Variants in RARB observed in about 807,000 individuals in gnomAD.
RARB encodes the protein retinoic acid receptor beta.
A neutral mutation model predicts 51.9 loss-of-function variants in RARB; 17 were observed. The observed-to-expected ratio is 0.33, with a 90% CI of 0.22 to 0.49. RARB has a LOEUF of 0.49. Among genes scored for constraint, RARB ranks in the 20% least tolerant of loss-of-function variants. The pLI is 0.99. For missense variants in RARB, 369 were observed against 550.8 expected, an observed-to-expected ratio of 0.67 and a Z score of 3.30; for synonymous variants, 215 against 195.4, an observed-to-expected ratio of 1.10 and a Z score of -0.84.
intron 3 of RARB, among the ~76,000 whole-genome samples, chr3:25,541,218 T>A (rs1015725524): frequency 3.3e-5 from 5 of 152,200 alleles, no homozygotes; most frequent in African/African-American, 1.2e-4. Context: ...AATCCATTGA[T>A]TTAGCCACTC....
intron 4 of RARB, among the ~76,000 whole-genome samples, chr3:25,571,065 G>C (rs977267581): frequency 2.6e-5 from 4 of 152,204 alleles, no homozygotes; most frequent in Admixed American, 2.0e-4. Context: ...CAGGCCCAGA[G>C]GGGCGCCCAT....
intron 1 of RARB, among the ~76,000 whole-genome samples, chr3:25,429,848 T>A (rs1488835683): frequency 6.6e-6 from 1 of 152,206 alleles, no homozygotes; most frequent in Admixed American, 6.5e-5. Context: ...TTTAGATAAA[T>A]GGCTCAGCTA....
At chr3:25,037,400 A>G (rs947028667) in intron 2 of RARB, among the ~76,000 whole-genome samples, 1 of 152,038 alleles carries the variant, frequency 6.6e-6, no homozygotes, top group African/African-American at 2.4e-5. Context: ...GTTTTGCCAA[A>G]AGAGCTAAGC....
intron 2 of RARB, among the ~76,000 whole-genome samples, chr3:24,911,688 C>T (rs1366520644): frequency 6.6e-6 from 1 of 152,290 alleles, no homozygotes. Context: ...CACAGTGGCT[C>T]ATACCTGTAA....
chr3:25,548,924 T>C lies in RARB; in HGVS notation c.449-20834T>C, dbSNP rs557847305. On this transcript the variant is annotated intron_variant, in intron 3 of 7. Coordinates refer to ENST00000330688, the MANE Select transcript of RARB (RefSeq NM_000965.5). ...CTAGTTTGGAGGAAGCTTGGCTCTA[T>C]ATTTTGAGCCCAATACCTGATTATG... Among the ~76,000 whole-genome samples, 4 of 152,316 alleles carry C rather than the reference T, an allele frequency of 2.6e-5. No homozygotes were observed. In the East Asian group the frequency reaches 5.8e-4, roughly 22 times the overall value.
chr3:25,254,982 C>T (rs1038572793), intron 5 of RARB, among the ~76,000 whole-genome samples: 7 of 152,108 alleles, frequency 4.6e-5, no homozygotes, highest in Non-Finnish European at 1.0e-4. Context: ...GTACCTGACA[C>T]CTACGACATT....
intron 4 of RARB, among the ~76,000 whole-genome samples, chr3:25,146,511 GTTTT>G (rs1197635626): frequency 2.3e-4 from 31 of 134,554 alleles, no homozygotes; most frequent in East Asian, 2.0e-3. Context: ...TTGTTTGTTT[GTTTT>G]TTTTTTTTTG....
chr3:25,285,494 G>C (rs933842183), intron 5 of RARB, among the ~76,000 whole-genome samples: 1 of 152,180 alleles, frequency 6.6e-6, no homozygotes. Flanking sequence ...CTTCAGAAAG[G>C]TAACTTTGGC....
intron 5 of RARB, among the ~76,000 whole-genome samples, chr3:25,246,746 G>T (rs562227942): frequency 6.6e-6 from 1 of 152,130 alleles, no homozygotes; most frequent in Non-Finnish European, 1.5e-5. Flanking sequence ...TCTTCTAAGA[G>T]GTGTCTGTTG....
intron 2 of RARB, among the ~76,000 whole-genome samples, chr3:25,027,157 A>C (rs925779624): frequency 2.0e-5 from 3 of 152,226 alleles, no homozygotes; most frequent in African/African-American, 7.2e-5. Flanking sequence ...CAGAAACTAT[A>C]AAGAGACAAT....
intron 3 of RARB, among the ~76,000 whole-genome samples, chr3:25,562,524 A>C (rs1700315202): frequency 6.6e-6 from 1 of 152,214 alleles, no homozygotes; most frequent in African/African-American, 2.4e-5. Context: ...GAAATGTACA[A>C]AGAAGCACCG....
chr3:25,117,327 A>G (rs1189712943), intron 3 of RARB, among the ~76,000 whole-genome samples: 2 of 152,214 alleles, frequency 1.3e-5, no homozygotes, highest in African/African-American at 4.8e-5. Context: ...GAACATTTAA[A>G]TTGAGAACTG....
At chr3:25,357,927 G>C (rs1705801783) in intron 5 of RARB, among the ~76,000 whole-genome samples, 2 of 152,176 alleles carry the variant, frequency 1.3e-5, no homozygotes, top group Non-Finnish European at 1.5e-5. Context: ...AGTATAGTTT[G>C]AAGTCAGGTA....
At chr3:24,926,600 T>G (rs1695327145) in intron 2 of RARB, among the ~76,000 whole-genome samples, 2 of 152,044 alleles carry the variant, frequency 1.3e-5, no homozygotes. Context: ...TCGAGGTGTT[T>G]GAGGCTAATC....
At chr3:25,096,751 C>A (rs747379022) in intron 3 of RARB, among the ~76,000 whole-genome samples, 1 of 152,070 alleles carries the variant, frequency 6.6e-6, no homozygotes, top group Non-Finnish European at 1.5e-5. Flanking sequence ...TGGGGGTGGA[C>A]CCTGCATATT....
At chr3:25,135,814 T>C (rs954454047) in intron 4 of RARB, among the ~76,000 whole-genome samples, 1 of 151,920 alleles carries the variant, frequency 6.6e-6, no homozygotes, top group Non-Finnish European at 1.5e-5. Flanking sequence ...TCAGGCACCA[T>C]GCACCAAGGC....
At chr3:25,124,144 G>T (rs555566039) in intron 3 of RARB, among the ~76,000 whole-genome samples, 1 of 152,196 alleles carries the variant, frequency 6.6e-6, no homozygotes, top group Non-Finnish European at 1.5e-5. Flanking sequence ...GGAGGCCAAG[G>T]TGGGTGGATC....
chr3:25,336,199 A>G (rs1014859858), intron 5 of RARB, among the ~76,000 whole-genome samples: 1 of 152,172 alleles, frequency 6.6e-6, no homozygotes, highest in Non-Finnish European at 1.5e-5. Context: ...ATAAACCAAA[A>G]TGCTAAGAGA....
At chr3:25,166,688 T>C (rs1488959948) in intron 4 of RARB, among the ~76,000 whole-genome samples, 1 of 152,180 alleles carries the variant, frequency 6.6e-6, no homozygotes, top group Non-Finnish European at 1.5e-5. Context: ...TCTCCAAAAA[T>C]CTTGTCTGTT....
Sources: gnomAD v4.1 joint callset for allele counts (sites outside exome capture counted in the v4.1 genomes callset) on GRCh38, gnomAD v4.1.1 for gene constraint, MANE v1.5 for transcripts, NCBI Gene and HGNC (gene_info 2026-07-23, HGNC 2026-07-21) for gene names.